Variants in SNX29 observed in about 807,000 individuals in gnomAD.
SNX29 encodes the protein sorting nexin-29.
A neutral mutation model predicts 102.1 loss-of-function variants in SNX29; 78 were observed. That is an observed-to-expected ratio of 0.76 (90% CI 0.64 to 0.92). The LOEUF (loss-of-function observed/expected upper bound fraction) is 0.92. Ranked by LOEUF, SNX29 falls within the 40% of genes least tolerant of loss-of-function variation. The pLI, the probability that SNX29 is intolerant of heterozygous loss-of-function variation, is 0.00. For missense variants in SNX29, 1,280 were observed against 1,061.7 expected (o/e 1.21, Z -2.86); for synonymous variants, 580 against 414.5 (o/e 1.40, Z -4.85).
chr16:12,404,933 C>A (rs990027516), intron 18 of SNX29, among the ~76,000 whole-genome samples: 1 of 152,218 alleles, frequency 6.6e-6, no homozygotes, highest in Non-Finnish European at 1.5e-5. Flanking sequence ...TAGACTTTGG[C>A]ATGAGAAGTT....
Position 12,095,914 on chromosome 16 carries a change from C to T in SNX29, c.1402+16999C>T, listed in dbSNP as rs145263412. Among the ~76,000 whole-genome samples, 940 of 152,312 alleles carry T rather than the reference C, an allele frequency of 6.2e-3. 12 individuals carry two copies. Among genetic ancestry groups the T allele is most frequent in the African/African-American group, 0.022 (896 of 41,548 alleles). On this transcript the variant is annotated intron_variant, in intron 11 of 20. Coordinates refer to ENST00000566228, the MANE Select transcript of SNX29 (RefSeq NM_032167.5). ...GGCTATTATTGGAAGAGATTCTCAA[C>T]GCTAGTGAGGCGTTCTGGCTCATCG...
chr16:12,159,617 T>TG (rs781229896), intron 13 of SNX29, among the ~76,000 whole-genome samples: 1 of 152,094 alleles, frequency 6.6e-6, no homozygotes, highest in Non-Finnish European at 1.5e-5. Flanking sequence ...CCTAACACTT[T>TG]GGGGAGCCGA....
At chr16:12,350,852 C>A (rs1249838136) in intron 15 of SNX29, among the ~76,000 whole-genome samples, 2 of 152,144 alleles carry the variant, frequency 1.3e-5, no homozygotes, top group Non-Finnish European at 2.9e-5. Flanking sequence ...GGCCAAGACC[C>A]AGAAATCCGC....
chr16:12,552,782 G>A (rs1000335989), intron 20 of SNX29, among the ~76,000 whole-genome samples: 3 of 152,192 alleles, frequency 2.0e-5, no homozygotes, highest in Non-Finnish European at 4.4e-5. Context: ...TCTCAGCTCT[G>A]GGCTTTCAGT....
chr16:12,128,719 C>T (rs551765571), intron 12 of SNX29, among the ~76,000 whole-genome samples: 4 of 152,274 alleles, frequency 2.6e-5, no homozygotes, highest in South Asian at 2.1e-4. Context: ...TCCCTAAGTG[C>T]TGGATTACAG....
At position 12,483,351 on chromosome 16, in the gene SNX29, T is replaced by C. The variant is rs562725985; in HGVS notation, c.2178+5492T>C. Among the ~76,000 whole-genome samples, 3 of 148,294 alleles carry C rather than the reference T, an allele frequency of 2.0e-5. No homozygotes were observed. In the South Asian group the frequency reaches 6.4e-4, roughly 32 times the overall value. Reference sequence around the variant, plus strand: ...TTTTTTTTTCCAGACGGAGTCTTGCTCTATCACCCAGGCTGGAGTGCAGTG... The same window carrying C: ...TTTTTTTTTCCAGACGGAGTCTTGCCCTATCACCCAGGCTGGAGTGCAGTG... On this transcript the variant is annotated intron_variant, in intron 19 of 20. Coordinates refer to ENST00000566228, the MANE Select transcript of SNX29 (RefSeq NM_032167.5).
chr16:12,514,936 GAA>G (rs1431414102), intron 19 of SNX29, among the ~76,000 whole-genome samples: 10 of 151,264 alleles, frequency 6.6e-5, no homozygotes, highest in Admixed American at 1.3e-4. Context: ...AAGAAAGAAA[GAA>G]AGAGAGAAAG....
chr16:12,417,158 C>T (rs939075667), intron 18 of SNX29, among the ~76,000 whole-genome samples: 1 of 152,208 alleles, frequency 6.6e-6, no homozygotes, highest in East Asian at 1.9e-4. Flanking sequence ...CATTCTACTC[C>T]ATAATCCATC....
intron 13 of SNX29, among the ~76,000 whole-genome samples, chr16:12,162,827 G>A (rs1229161485): frequency 6.6e-6 from 1 of 152,158 alleles, no homozygotes; most frequent in Non-Finnish European, 1.5e-5. Flanking sequence ...GCTGGGCAGC[G>A]GCAACACCCT....
intron 11 of SNX29, among the ~76,000 whole-genome samples, chr16:12,089,290 C>A (rs2052385322): frequency 6.6e-6 from 1 of 151,840 alleles, no homozygotes; most frequent in African/African-American, 2.4e-5. Context: ...ATGATTATGA[C>A]CCTGCACTCC....
chr16:12,327,734 A>C (rs2081163899), intron 15 of SNX29, among the ~76,000 whole-genome samples: 1 of 126,800 alleles, frequency 7.9e-6, no homozygotes, highest in Non-Finnish European at 1.8e-5. Flanking sequence ...CCGGAGAGAG[A>C]CAGAGAGAGG....
chr16:12,195,402 G>C (rs1364564419), intron 13 of SNX29, among the ~76,000 whole-genome samples: 1 of 152,188 alleles, frequency 6.6e-6, no homozygotes, highest in Non-Finnish European at 1.5e-5. Flanking sequence ...AAGTAGACTT[G>C]CTGGGTCAGA....
intron 15 of SNX29, among the ~76,000 whole-genome samples, chr16:12,343,143 A>G (rs2081664828): frequency 6.6e-6 from 1 of 152,216 alleles, no homozygotes; most frequent in Non-Finnish European, 1.5e-5. Context: ...AATATGATTA[A>G]AAACGCACAC....
At chr16:12,519,814 C>G (rs1418486538) in intron 19 of SNX29, among the ~76,000 whole-genome samples, 1 of 152,038 alleles carries the variant, frequency 6.6e-6, no homozygotes, top group Non-Finnish European at 1.5e-5. Context: ...TCGAGACCAG[C>G]CTGGCCAACA....
At chr16:12,459,740 C>A (rs1158149211) in intron 18 of SNX29, among the ~76,000 whole-genome samples, 1 of 152,150 alleles carries the variant, frequency 6.6e-6, no homozygotes, top group Non-Finnish European at 1.5e-5. Context: ...TAACCTTGGA[C>A]TTGGGTGGCT....
intron 18 of SNX29, among the ~76,000 whole-genome samples, chr16:12,420,674 G>A (rs1432353737): frequency 6.6e-6 from 1 of 152,190 alleles, no homozygotes; most frequent in African/African-American, 2.4e-5. Context: ...TTGATATAAG[G>A]ATTAAATGAG....
At chr16:12,559,514 C>G (rs764517473) in intron 20 of SNX29, among the ~76,000 whole-genome samples, 2 of 151,906 alleles carry the variant, frequency 1.3e-5, no homozygotes, top group East Asian at 1.9e-4. Context: ...ATGTAACACA[C>G]TTTGTATCTC....
At chr16:12,258,944 A>C (rs1415858505) in intron 14 of SNX29, among the ~76,000 whole-genome samples, 1 of 152,002 alleles carries the variant, frequency 6.6e-6, no homozygotes, top group African/African-American at 2.4e-5. Flanking sequence ...CTCTCTCACT[A>C]TGATAGCCTG....
chr16:12,410,335 A>T (rs2151542655), intron 18 of SNX29, among the ~76,000 whole-genome samples: 1 of 152,032 alleles, frequency 6.6e-6, no homozygotes, highest in South Asian at 2.1e-4. Context: ...CCTAGAGGCC[A>T]CAGGGTGTTG....
Sources: gnomAD v4.1 joint callset for allele counts (sites outside exome capture counted in the v4.1 genomes callset) on GRCh38, gnomAD v4.1.1 for gene constraint, MANE v1.5 for transcripts, NCBI Gene and HGNC (gene_info 2026-07-23, HGNC 2026-07-21) for gene names.